PHACTR3: variants seen among roughly 807,000 people sequenced by gnomAD.
PHACTR3 encodes protein phosphatase 1, regulatory subunit 123.
In PHACTR3, 16 loss-of-function variants were observed where a neutral mutation model predicts 66.8. The observed-to-expected ratio is 0.24, with a 90% CI of 0.16 to 0.36. PHACTR3 has a LOEUF of 0.36. Among genes scored for constraint, PHACTR3 ranks in the 10% least tolerant of loss-of-function variants. PHACTR3 has a pLI of 1.00. For missense variants in PHACTR3, 647 were observed against 719.9 expected, an observed-to-expected ratio of 0.90 and a Z score of 1.16; for synonymous variants, 323 against 292.1, an observed-to-expected ratio of 1.11 and a Z score of -1.08.
At position 59,701,619 on chromosome 20, in the gene PHACTR3, A is replaced by G. The variant is rs749627219; in HGVS notation, c.119-41488A>G. ...TTTTAAATTTACACAAAAATCTTACAAAAAGTGAGTTCCCATATACCTCCT... is the reference window on the plus strand; with the variant it reads ...TTTTAAATTTACACAAAAATCTTACGAAAAGTGAGTTCCCATATACCTCCT... On this transcript the variant is annotated intron_variant, in intron 1 of 12. Coordinates refer to ENST00000371015, the MANE Select transcript of PHACTR3 (RefSeq NM_080672.5). Among the ~76,000 whole-genome samples, 260 of 152,190 alleles carry G rather than the reference A, an allele frequency of 1.7e-3. 1 individual carries two copies. The highest frequency in any genetic ancestry group is 3.2e-3 in the Middle Eastern group (1 of 316).
At chr20:59,814,877 C>A (rs1472112723) in intron 8 of PHACTR3, among the ~76,000 whole-genome samples, 1 of 151,996 alleles carries the variant, frequency 6.6e-6, no homozygotes, top group East Asian at 1.9e-4. Context: ...GCGGTTGGGC[C>A]TTGCTGAATA....
intron 1 of PHACTR3, among the ~76,000 whole-genome samples, chr20:59,728,280 G>T (rs1361351295): frequency 6.6e-6 from 1 of 152,088 alleles, no homozygotes; most frequent in East Asian, 1.9e-4. Flanking sequence ...GCTGCAGTGG[G>T]TGTCAGTGCT....
At chr20:59,622,592 C>CT (rs1013598517) in intron 1 of PHACTR3, among the ~76,000 whole-genome samples, 5 of 152,110 alleles carry the variant, frequency 3.3e-5, no homozygotes, top group Non-Finnish European at 7.4e-5. Context: ...GTGCCTGCTG[C>CT]GAGGGGTGCT....
intron 7 of PHACTR3, among the ~76,000 whole-genome samples, chr20:59,787,561 T>C (rs2040954417): frequency 1.3e-5 from 2 of 152,220 alleles, no homozygotes; most frequent in African/African-American, 4.8e-5. Context: ...GGGACATCTT[T>C]GTGGCTGTTG....
intron 8 of PHACTR3, 116 bp from the exon 9 acceptor site, chr20:59,836,389 A>T (rs1474655865): frequency 4.4e-6 from 4 of 901,846 alleles, no homozygotes; most frequent in Non-Finnish European, 6.5e-6. Flanking sequence ...CTCTCCTTCC[A>T]ATTTTGGGAG....
chr20:59,620,759 C>T (rs1046204122), intron 1 of PHACTR3, among the ~76,000 whole-genome samples: 2 of 152,162 alleles, frequency 1.3e-5, no homozygotes, highest in Admixed American at 6.5e-5. Flanking sequence ...TGTCAGACAT[C>T]GTTTCTCATC....
intron 1 of PHACTR3, among the ~76,000 whole-genome samples, chr20:59,619,426 G>A (rs2034156938): frequency 6.6e-6 from 1 of 152,068 alleles, no homozygotes; most frequent in Admixed American, 6.6e-5. Flanking sequence ...CAGAGAGATA[G>A]GGATCTTAGT....
chr20:59,705,547 CTT>C (rs1383422379), intron 1 of PHACTR3, among the ~76,000 whole-genome samples: 1 of 152,176 alleles, frequency 6.6e-6, no homozygotes, highest in South Asian at 2.1e-4. Flanking sequence ...TAAATACCCT[CTT>C]AGTATTTAAA....
chr20:59,681,149 T>C (rs1235729466), intron 1 of PHACTR3, among the ~76,000 whole-genome samples: 1 of 151,846 alleles, frequency 6.6e-6, no homozygotes, highest in East Asian at 1.9e-4. Flanking sequence ...GCAGCATAGC[T>C]GAGGCAGAGA....
intron 4 of PHACTR3, among the ~76,000 whole-genome samples, chr20:59,760,760 G>A (rs2146842803): frequency 6.6e-6 from 1 of 152,248 alleles, no homozygotes; most frequent in African/African-American, 2.4e-5. Context: ...GAAGGATCCG[G>A]TGTTTTGACA....
chr20:59,761,600 C>A (rs1301936525), intron 4 of PHACTR3, among the ~76,000 whole-genome samples: 1 of 152,168 alleles, frequency 6.6e-6, no homozygotes. Context: ...TAAGTTCCTA[C>A]ATAATATTCT....
chr20:59,818,338 T>C (rs1358040923), intron 8 of PHACTR3, among the ~76,000 whole-genome samples: 1 of 152,190 alleles, frequency 6.6e-6, no homozygotes, highest in African/African-American at 2.4e-5. Flanking sequence ...ACACGTAGAA[T>C]GCCTGGAATC....
At chr20:59,654,535 T>C (rs2035554891) in intron 1 of PHACTR3, among the ~76,000 whole-genome samples, 1 of 152,156 alleles carries the variant, frequency 6.6e-6, no homozygotes, top group Non-Finnish European at 1.5e-5. Flanking sequence ...GTTATATGCC[T>C]CCTAATATGT....
chr20:59,603,961 G>C (rs910659710), upstream of PHACTR3: 2 of 152,304 alleles, frequency 1.3e-5, no homozygotes, highest in African/African-American at 2.4e-5. Context: ...TGGCAGCCCT[G>C]GGGGGTGTCG....
chr20:59,773,128 A>C lies in PHACTR3; in HGVS notation c.752-151A>C, dbSNP rs544364677. On this transcript the variant is annotated intron_variant, in intron 5 of 12. Transcript: ENST00000371015. ...CACCCTGGCCTCTAGCTTTGGGAGC[A>C]GGGATCCCGGTCCAGCATCTTGGCA... 1,337 of 839,634 alleles carry C rather than the reference A, an allele frequency of 1.6e-3. 6 individuals carry two copies. Among genetic ancestry groups the C allele is most frequent in the Middle Eastern group, 4.2e-3 (17 of 4,032 alleles). 52.0% of individuals were successfully genotyped at this position (839,634 alleles called of 1,614,324 possible). A position where few individuals can be genotyped will look rare whatever the true frequency, so the allele number is the denominator to read the frequency against.
intron 1 of PHACTR3, among the ~76,000 whole-genome samples, chr20:59,587,901 C>T (rs1038625907): frequency 6.6e-6 from 1 of 152,226 alleles, no homozygotes; most frequent in African/African-American, 2.4e-5. Context: ...CCCTCCCTTC[C>T]ACCCTGTCCA....
chr20:59,793,244 C>G (rs2041157616), intron 7 of PHACTR3, among the ~76,000 whole-genome samples: 1 of 152,146 alleles, frequency 6.6e-6, no homozygotes, highest in African/African-American at 2.4e-5. Flanking sequence ...CGTTCTTGCT[C>G]AAGATTGCTG....
At chr20:59,623,001 A>AAAAAAAAAAAAAAAAAAAAAAAG (rs1568940633) in intron 1 of PHACTR3, among the ~76,000 whole-genome samples, 1 of 144,802 alleles carries the variant, frequency 6.9e-6, no homozygotes, top group African/African-American at 2.6e-5. Flanking sequence ...AAAAAAAAAA[A>AAAAAAAAAAAAAAAAAAAAAAAG]CCCAAATCTT....
chr20:59,650,977 T>A (rs1199723484), intron 1 of PHACTR3, among the ~76,000 whole-genome samples: 1 of 152,120 alleles, frequency 6.6e-6, no homozygotes, highest in African/African-American at 2.4e-5. Flanking sequence ...AAAACCTGAT[T>A]TAAGCAAGAT....
Sources: allele counts gnomAD v4.1 joint callset (sites outside exome capture counted in the v4.1 genomes callset), GRCh38; gene constraint gnomAD v4.1.1; transcripts MANE v1.5; gene names NCBI Gene and HGNC (gene_info 2026-07-23, HGNC 2026-07-21).